MYZAP: variants seen among roughly 807,000 people sequenced by gnomAD.
The protein encoded by MYZAP is myocardial zonula adherens protein, also known as GRINL1A complex locus upstream.
MYZAP carries 66 observed loss-of-function variants against 69.4 expected under a neutral mutation model. The observed-to-expected ratio is 0.95, with a 90% confidence interval of 0.78 to 1.17. The LOEUF (loss-of-function observed/expected upper bound fraction) is 1.17. MYZAP is among the 50% of genes most tolerant of loss of function. MYZAP has a pLI of 0.00. For synonymous variants in MYZAP, 256 were observed against 205.9 expected, an observed-to-expected ratio of 1.24 and a Z score of -2.09; for missense variants, 611 against 556.2, an observed-to-expected ratio of 1.10 and a Z score of -0.99.
chr15:57,614,800 A>G (rs1456091013), intron 2 of MYZAP, among the ~76,000 whole-genome samples: 4 of 152,248 alleles, frequency 2.6e-5, no homozygotes, highest in Non-Finnish European at 4.4e-5. Flanking sequence ...CAATTTGGAA[A>G]GACATAGGCA....
intron 8 of MYZAP, among the ~76,000 whole-genome samples, chr15:57,637,058 C>G (rs561524274): frequency 6.6e-6 from 1 of 152,338 alleles, no homozygotes; most frequent in Admixed American, 6.5e-5. Context: ...AGAGCATCTT[C>G]CAGGCTCCTT....
chr15:57,650,991 A>T (rs114413132), intron 10 of MYZAP, among the ~76,000 whole-genome samples: 45 of 152,276 alleles, frequency 3.0e-4, no homozygotes, highest in African/African-American at 1.1e-3. Flanking sequence ...GTCCTTCATC[A>T]CTCTGCTCAT....
chr15:57,599,544 C>T, intron 1 of MYZAP: 1 of 1,267,862 alleles, frequency 7.9e-7, no homozygotes, highest in Non-Finnish European at 1.0e-6. Flanking sequence ...CAGTTCTTCG[C>T]ATTGTGCATA....
At chr15:57,623,056 A>T (rs1464768958) in intron 4 of MYZAP, among the ~76,000 whole-genome samples, 1 of 152,244 alleles carries the variant, frequency 6.6e-6, no homozygotes, top group Non-Finnish European at 1.5e-5. Flanking sequence ...ACTAAAGGAA[A>T]GATGGAGAGA....
intron 11 of MYZAP, among the ~76,000 whole-genome samples, chr15:57,662,918 C>T (rs1210227436): frequency 1.3e-5 from 2 of 152,202 alleles, no homozygotes; most frequent in African/African-American, 2.4e-5. Context: ...AGATTCAACG[C>T]CCAAGAGTCT....
At chr15:57,670,585 A>G (rs2038822414) in intron 11 of MYZAP, among the ~76,000 whole-genome samples, 1 of 151,994 alleles carries the variant, frequency 6.6e-6, no homozygotes. Context: ...ATATTTAATT[A>G]TATTTATATG....
intron 10 of MYZAP, among the ~76,000 whole-genome samples, chr15:57,654,992 T>C (rs1322897272): frequency 1.3e-5 from 2 of 152,104 alleles, no homozygotes; most frequent in Non-Finnish European, 2.9e-5. Flanking sequence ...TATGAGATAA[T>C]TGATGCACTA....
chr15:57,632,506 G>A lies in MYZAP; in HGVS notation c.751G>A (p.Glu251Lys). The A allele has an allele frequency of 6.2e-7, 1 of 1,614,232 alleles. No homozygotes were observed. Among genetic ancestry groups the A allele is most frequent in the Non-Finnish European group, 8.5e-7 (1 of 1,180,040 alleles). The change falls in exon 7 of 13, where the codon GAG becomes AAG. Residue 251 changes from glutamate (E) to lysine (K), a missense_variant. Glu to Lys is a moderately conservative substitution (Grantham distance 56). Coordinates refer to ENST00000267853, the MANE Select transcript of MYZAP (RefSeq NM_001018100.5). ...CAAGAAGCTGTACAGCCAGTATGAG[G>A]AGAAGCTGCAGGAAGAACAGAGGAA... ...MTKKLYSQYE[E>K]KLQEEQRKHS...
intron 10 of MYZAP, chr15:57,647,693 C>G: frequency 2.0e-6 from 2 of 985,382 alleles, no homozygotes; most frequent in South Asian, 9.4e-5. Context: ...TACTGCATAG[C>G]CTGAGAGTGC....
intron 2 of MYZAP, among the ~76,000 whole-genome samples, chr15:57,613,923 T>C (rs1185859420): frequency 5.3e-5 from 8 of 152,344 alleles, no homozygotes; most frequent in South Asian, 4.1e-4. Flanking sequence ...CTTTTCTTAT[T>C]GGGAGGTATT....
At chr15:57,647,309 G>C in intron 10 of MYZAP, 1 of 985,378 alleles carries the variant, frequency 1.0e-6, no homozygotes. Flanking sequence ...CCCCAGATAC[G>C]ATGCTGGGTA....
intron 1 of MYZAP, among the ~76,000 whole-genome samples, chr15:57,595,379 C>T (rs924323057): frequency 3.3e-5 from 5 of 152,184 alleles, no homozygotes; most frequent in African/African-American, 4.8e-5. Context: ...AGAATAACCA[C>T]AGCCAGAAGA....
At chr15:57,647,164 C>A in intron 10 of MYZAP, 1 of 985,412 alleles carries the variant, frequency 1.0e-6, no homozygotes, top group Non-Finnish European at 1.2e-6. Context: ...TTTGCCTTTG[C>A]TTTCATTTAG....
intron 2 of MYZAP, among the ~76,000 whole-genome samples, chr15:57,605,334 C>T (rs2034676621): frequency 1.3e-5 from 2 of 151,972 alleles, no homozygotes; most frequent in South Asian, 4.2e-4. Flanking sequence ...AGGAAGTAGG[C>T]AGTACTTTTT....
intron 11 of MYZAP, among the ~76,000 whole-genome samples, chr15:57,668,899 T>A (rs953525120): frequency 1.2e-4 from 18 of 149,280 alleles, no homozygotes; most frequent in African/African-American, 4.2e-4. Context: ...TATATATTTT[T>A]TTTTTTTTGC....
chr15:57,593,794 G>C (rs1174484178), intron 1 of MYZAP, among the ~76,000 whole-genome samples: 1 of 152,168 alleles, frequency 6.6e-6, no homozygotes, highest in African/African-American at 2.4e-5. Context: ...TATCTAAAGG[G>C]TCTAGGGTTC....
chr15:57,673,300 A>G (rs115041361), intron 11 of MYZAP, among the ~76,000 whole-genome samples: 1 of 152,176 alleles, frequency 6.6e-6, no homozygotes, highest in Non-Finnish European at 1.5e-5. Flanking sequence ...AAGTCTTTAC[A>G]CTAAGAAGGG....
intron 8 of MYZAP, among the ~76,000 whole-genome samples, chr15:57,635,574 CT>C (rs2036769101): frequency 6.6e-6 from 1 of 152,206 alleles, no homozygotes; most frequent in Admixed American, 6.5e-5. Context: ...TTGGCTTCTT[CT>C]TTAGTGATTG....
At chr15:57,675,621 A>G (rs372719230) in intron 12 of MYZAP, among the ~76,000 whole-genome samples, 15 of 152,280 alleles carry the variant, frequency 9.9e-5, no homozygotes, top group African/African-American at 3.1e-4. Context: ...TGCTTGAGTC[A>G]TCGGCAGATA....
Sources: gnomAD v4.1 joint callset for allele counts (sites outside exome capture counted in the v4.1 genomes callset) on GRCh38, gnomAD v4.1.1 for gene constraint, MANE v1.5 for transcripts, NCBI Gene and HGNC (gene_info 2026-07-23, HGNC 2026-07-21) for gene names.